The following ZNF891 variants were observed in gnomAD, a reference collection of about 807,000 sequenced individuals.
ZNF891 encodes the protein zinc finger protein 891.
For synonymous variants in ZNF891, 199 were observed against 209.0 expected (o/e 0.95, Z 0.41); for missense variants, 589 against 632.7 (o/e 0.93, Z 0.74).
intron 1 of ZNF891, among the ~76,000 whole-genome samples, chr12:133,127,771 G>C (rs1436291982): frequency 1.3e-5 from 2 of 152,168 alleles, no homozygotes; most frequent in Non-Finnish European, 2.9e-5. Context: ...CAGAGTAACT[G>C]ATCAATCTAC....
intron 1 of ZNF891, among the ~76,000 whole-genome samples, chr12:133,128,403 G>A (rs551953493): frequency 5.9e-5 from 9 of 152,282 alleles, no homozygotes; most frequent in African/African-American, 1.9e-4. Context: ...AGGCCAAGGC[G>A]GGCGGATTGC....
At chr12:133,129,942 A>C (rs1955858684) in intron 1 of ZNF891, among the ~76,000 whole-genome samples, 1 of 152,142 alleles carries the variant, frequency 6.6e-6, no homozygotes, top group East Asian at 1.9e-4. Context: ...AAGGAGGCAA[A>C]CGCGCATCCC....
chr12:133,119,337 A>C lies in ZNF891; in HGVS notation c.*947T>G, dbSNP rs1322335108. ...GGTGGGTGGATCACCTGAGGTCAGG[A>C]GTTTGAGACCAACCTGGCCAACATG... On this transcript the variant is annotated 3_prime_UTR_variant, in exon 2 of 2. Coordinates refer to ENST00000537226, the MANE Select transcript of ZNF891 (RefSeq NM_001277291.2). 6.6e-6 allele frequency: 1 copy of C among 152,152 alleles called. No homozygotes were observed. The highest frequency in any genetic ancestry group is 2.4e-5 in the African/African-American group (1 of 41,412). The allele number at this position is 152,152 out of a possible 1,614,324, so 9.4% of individuals were successfully genotyped here.
At chr12:133,126,110 A>G (rs1410784527) in intron 1 of ZNF891, among the ~76,000 whole-genome samples, 1 of 152,210 alleles carries the variant, frequency 6.6e-6, no homozygotes, top group African/African-American at 2.4e-5. Flanking sequence ...TGAAATAAGA[A>G]TACAACTCTA....
In ZNF891 at chr12:133,120,534, C is replaced by T. The variant is rs1296580377; in HGVS notation, c.1385G>A (p.Cys462Tyr). 1 of 1,568,644 alleles carries T rather than the reference C, an allele frequency of 6.4e-7. No homozygotes were observed. The change falls in exon 2 of 2, where the codon TGC becomes TAC. Residue 462 changes from cysteine to tyrosine, a missense_variant. Cys to Tyr is a radical substitution (Grantham distance 194). Transcript: ENST00000537226. ...KIHTGENVYE[C>Y]SDCGKVFSGV... ...ACTGAAAACTTTCCCACAGTCACTG[C>T]ATTCATAAACATTCTCTCCGGTATG...
chr12:133,115,734 G>A lies in ZNF891; in HGVS notation c.*4550C>T, dbSNP rs372297722. On this transcript the variant is annotated 3_prime_UTR_variant, in exon 2 of 2. Coordinates refer to ENST00000537226, the MANE Select transcript of ZNF891 (RefSeq NM_001277291.2). The stretch of plus-strand genomic sequence containing the variant: ...AGGAGGCTATTGCAATAAAATCCAG[G>A]TGAGATGCTGGGCGAGACTGTGCCT... 6.6e-6 allele frequency: 1 copy of A among 152,226 alleles called. No homozygotes were observed. Among genetic ancestry groups the A allele is most frequent in the African/African-American group, 2.4e-5 (1 of 41,544 alleles). 9.4% of individuals were successfully genotyped at this position (152,226 alleles called of 1,614,324 possible).
intron 1 of ZNF891, among the ~76,000 whole-genome samples, chr12:133,124,321 T>A (rs1014232568): frequency 6.6e-6 from 1 of 151,928 alleles, no homozygotes; most frequent in African/African-American, 2.4e-5. Flanking sequence ...AAATTCCAGA[T>A]GGATTAAAGA....
At position 133,121,155 on chromosome 12, in the gene ZNF891, C is replaced by T. The variant is rs1468558170; in HGVS notation, c.764G>A (p.Trp255Ter). ...TACTGTTTGATTTCTCTGAAAATGC[C>T]ATAGAGTTGTATCACATTCATGACT... is the stretch of plus-strand genomic sequence containing the variant. ...YESHECDTTL[W>*]HFQRNQTVQK... The change falls in exon 2 of 2, where the codon TGG (tryptophan) becomes TAG (stop). Residue 255 changes from tryptophan (W) to a stop codon, truncating the protein, a stop_gained. Coordinates refer to ENST00000537226, the MANE Select transcript of ZNF891 (RefSeq NM_001277291.2). LOFTEE classifies it low-confidence loss of function (END_TRUNC). 3 of 1,535,212 alleles carry T rather than the reference C, an allele frequency of 2.0e-6. No homozygotes were observed. Among genetic ancestry groups the T allele is most frequent in the East Asian group, 4.9e-5 (2 of 40,880 alleles).
At chr12:133,122,202 A>G in intron 1 of ZNF891, 178 bp from the exon 2 acceptor site, 1 of 1,086,724 alleles carries the variant, frequency 9.2e-7, no homozygotes, top group Admixed American at 4.6e-5. Flanking sequence ...TACCCACTTC[A>G]AGAAATGCCA....
Position 133,112,455 on chromosome 12 carries a change from G to C in ZNF891, c.*7829C>G, listed in dbSNP as rs1368999409. On this transcript the variant is annotated 3_prime_UTR_variant, in exon 2 of 2. Coordinates refer to ENST00000537226, the MANE Select transcript of ZNF891 (RefSeq NM_001277291.2). ...TCCTGCCTCAGCCTCCCAGTAGCTG[G>C]GACTACAGGTGTGTGCCACCACGCC... 1 of 152,504 alleles carries C rather than the reference G, an allele frequency of 6.6e-6. No homozygotes were observed. The highest frequency in any genetic ancestry group is 6.5e-5 in the Admixed American group (1 of 15,282). 9.4% of individuals were successfully genotyped at this position (152,504 alleles called of 1,614,324 possible).
chr12:133,120,246 T>A lies in ZNF891; in HGVS notation c.*38A>T. On this transcript the variant is annotated 3_prime_UTR_variant, in exon 2 of 2. Coordinates refer to ENST00000537226, the MANE Select transcript of ZNF891 (RefSeq NM_001277291.2). Reference sequence around the variant, plus strand: ...TGAGACAAGGAGCTTGGAATCCACCTTAAGACAATGAAAACAGCAATTCCA... The same window carrying A: ...TGAGACAAGGAGCTTGGAATCCACCATAAGACAATGAAAACAGCAATTCCA... 6.8e-7 allele frequency: 1 copy of A among 1,473,066 alleles called. No individual in the cohort carries two copies. The highest frequency in any genetic ancestry group is 9.0e-7 in the Non-Finnish European group (1 of 1,106,954). The allele number at this position is 1,473,066 out of a possible 1,614,324, so 91.2% of individuals were successfully genotyped here.
rs758545809 is a variant in ZNF891 at position 133,105,951 on chromosome 12, C to G, written c.*14333G>C. On this transcript the variant is annotated 3_prime_UTR_variant, in exon 2 of 2. Transcript: ENST00000537226. Reference sequence around the variant, plus strand: ...CATGAGTGTAAGGACTGTAATAAAACATTCAGTTACCTTTCATTTCTTATT... The same window carrying G: ...CATGAGTGTAAGGACTGTAATAAAAGATTCAGTTACCTTTCATTTCTTATT... 6.2e-7 allele frequency: 1 copy of G among 1,614,098 alleles called. No individual in the cohort carries two copies. The highest frequency in any genetic ancestry group is 2.2e-5 in the East Asian group (1 of 44,880).
Position 133,106,246 on chromosome 12 carries a change from T to C in ZNF891, c.*14038A>G, listed in dbSNP as rs375939646. The C allele has an allele frequency of 3.7e-6, 6 of 1,614,170 alleles. No individual in the cohort carries two copies. Among genetic ancestry groups the C allele is most frequent in the Non-Finnish European group, 5.1e-6 (6 of 1,180,018 alleles). On this transcript the variant is annotated 3_prime_UTR_variant, in exon 2 of 2. Transcript: ENST00000537226. ...ACCTTACTCGACATCAGAGCATCCA[T>C]ACAACCAAAACCCCGTATGAATGTA...
Position 133,111,697 on chromosome 12 carries a change from C to G in ZNF891, c.*8587G>C, listed in dbSNP as rs1955683640. Reference sequence around the variant, plus strand: ...AATTTTATGTATTTGACATGCATTTCTTAAGTTAGAGGTGAATTTAAGTCA... The same window carrying G: ...AATTTTATGTATTTGACATGCATTTGTTAAGTTAGAGGTGAATTTAAGTCA... On this transcript the variant is annotated 3_prime_UTR_variant, in exon 2 of 2. Transcript: ENST00000537226. 1 of 152,080 alleles carries G rather than the reference C, an allele frequency of 6.6e-6. No homozygotes were observed. Among genetic ancestry groups the G allele is most frequent in the South Asian group, 2.1e-4 (1 of 4,830 alleles). 9.4% of individuals were successfully genotyped at this position (152,080 alleles called of 1,614,324 possible).
Position 133,106,261 on chromosome 12 carries a change from G to C in ZNF891, c.*14023C>G, listed in dbSNP as rs529439392. The C allele has an allele frequency of 1.6e-5, 26 of 1,614,072 alleles. No homozygotes were observed. Among genetic ancestry groups the C allele is most frequent in the Non-Finnish European group, 2.2e-5 (26 of 1,180,008 alleles). ...AGAGCATCCATACAACCAAAACCCC[G>C]TATGAATGTAATGAATGTAGGAAAG... On this transcript the variant is annotated 3_prime_UTR_variant, in exon 2 of 2. Transcript: ENST00000537226.
chr12:133,123,120 A>G (rs1955780796), intron 1 of ZNF891, among the ~76,000 whole-genome samples: 1 of 152,240 alleles, frequency 6.6e-6, no homozygotes, highest in Non-Finnish European at 1.5e-5. Context: ...AATACTGTAC[A>G]TCAATAGAAC....
rs1290554481 is a variant in ZNF891, at chr12:133,113,113, TATAAA to T, written c.*7166_*7170del. 2.0e-5 allele frequency: 3 copies of T among 147,884 alleles called. No homozygotes were observed. The highest frequency in any genetic ancestry group is 4.5e-5 in the Non-Finnish European group (3 of 66,992). The allele number at this position is 147,884 out of a possible 1,614,324, so 9.2% of individuals were successfully genotyped here. On this transcript the variant is annotated 3_prime_UTR_variant, in exon 2 of 2. Coordinates refer to ENST00000537226, the MANE Select transcript of ZNF891 (RefSeq NM_001277291.2). ...ATTTATTAAAAATATATTTATAAAA[TATAAA>T]AAAATATATTTTTCAATTTTTTTAA...
intron 1 of ZNF891, among the ~76,000 whole-genome samples, chr12:133,126,494 AGAT>A (rs1425759044): frequency 1.8e-3 from 277 of 149,868 alleles, no homozygotes; most frequent in Non-Finnish European, 3.6e-3. Context: ...AAAAAAAAAA[AGAT>A]AAACTTAAGG....
In ZNF891 at chr12:133,111,935, GTC is replaced by G. The variant is rs1336110562; in HGVS notation, c.*8347_*8348del. ...ATGAACTATTGCAAATAGCTTCCTA[GTC>G]TCTCAAGATTTTTTTATACAAAAAT... On this transcript the variant is annotated 3_prime_UTR_variant, in exon 2 of 2. Transcript: ENST00000537226. The G allele has an allele frequency of 2.0e-5, 3 of 152,122 alleles. No homozygotes were observed. Among genetic ancestry groups the G allele is most frequent in the African/African-American group, 7.2e-5 (3 of 41,440 alleles). The allele number at this position is 152,122 out of a possible 1,614,324, so 9.4% of individuals were successfully genotyped here.
Sources: gnomAD v4.1 joint callset for allele counts (sites outside exome capture counted in the v4.1 genomes callset) on GRCh38, gnomAD v4.1.1 for gene constraint, MANE v1.5 for transcripts, NCBI Gene and HGNC (gene_info 2026-07-23, HGNC 2026-07-21) for gene names.